The following MAST4 variants were observed in gnomAD, a reference collection of about 807,000 sequenced individuals.
MAST4 encodes microtubule associated serine/threonine kinase family member 4, also known as microtubule-associated serine/threonine-protein kinase 4.
In MAST4, 89 loss-of-function variants were observed where a neutral mutation model predicts 162.7. The observed-to-expected ratio is 0.55, with a 90% CI of 0.46 to 0.65. The LOEUF (loss-of-function observed/expected upper bound fraction) is 0.65, where lower values mean the gene tolerates loss of function less well. Among genes scored for constraint, MAST4 ranks in the 30% least tolerant of loss-of-function variants. The pLI, the probability that MAST4 is intolerant of heterozygous loss-of-function variation, is 0.00. For synonymous variants in MAST4, 1,479 were observed against 1,361.1 expected, an observed-to-expected ratio of 1.09 and a Z score of -1.91; for missense variants, 3,153 against 3,374.0, an observed-to-expected ratio of 0.93 and a Z score of 1.62.
intron 4 of MAST4, chr5:67,004,003 AGTCACTGTGGACTTCCCCGGAGCGTT>A (rs1302929052): frequency 2.0e-5 from 3 of 152,368 alleles, no homozygotes; most frequent in Admixed American, 6.5e-5. Flanking sequence ...CTGGCGGAGG[AGTCACTGTGGACTTCCCCGGAGCGTT>A]GTCACTGCCA....
At chr5:67,150,365 A>C (rs889593716) in intron 24 of MAST4, among the ~76,000 whole-genome samples, 7 of 152,234 alleles carry the variant, frequency 4.6e-5, no homozygotes, top group Admixed American at 3.3e-4. Context: ...AAAACAGATC[A>C]TGTATAAAAG....
At chr5:66,950,520 A>T (rs1364563439) in intron 4 of MAST4, among the ~76,000 whole-genome samples, 1 of 152,164 alleles carries the variant, frequency 6.6e-6, no homozygotes, top group Non-Finnish European at 1.5e-5. Context: ...ACCTACCCAG[A>T]GTAGCTAGCA....
At chr5:66,849,889 CT>C (rs1424667763) in intron 3 of MAST4, among the ~76,000 whole-genome samples, 1 of 152,140 alleles carries the variant, frequency 6.6e-6, no homozygotes, top group Non-Finnish European at 1.5e-5. Flanking sequence ...TTGATAAAAG[CT>C]GTGTGCACAA....
chr5:66,753,187 A>C lies in MAST4; in HGVS notation c.364-6522A>C, dbSNP rs989190130. ...GGAAACTTATAGCACTAAATGCCCA[A>C]AAGAGAAAGCAGGAAAGATCCAAAA... On this transcript the variant is annotated intron_variant, in intron 1 of 28. Coordinates refer to ENST00000403625, the MANE Select transcript of MAST4 (RefSeq NM_001164664.2). Among the ~76,000 whole-genome samples the C allele has an allele frequency of 4.4e-4, 67 of 152,270 alleles. No homozygotes were observed. In the South Asian group the frequency reaches 1.0e-2, roughly 23 times the overall value.
At position 67,166,683 on chromosome 5, in the gene MAST4, C is replaced by T; in HGVS notation, c.7504C>T (p.His2502Tyr). ...GCTTCCAGCCCCCAGCAACAGGGACCATAGGAAGGCTCAGCCTGCCGGGGA... is the reference window on the plus strand; with the variant it reads ...GCTTCCAGCCCCCAGCAACAGGGACTATAGGAAGGCTCAGCCTGCCGGGGA... ...LELPAPSNRD[H>Y]RKAQPAGEGR... Residue 2502 changes from histidine to tyrosine, a missense_variant, in exon 29 of 29, where the codon CAT (histidine) becomes TAT (tyrosine). Physicochemically the swap from His to Tyr is moderately conservative, Grantham distance 83 (BLOSUM62 2). Around this residue, in one of 7 missense-constraint regions of MAST4, gnomAD observed 1,644 missense variants for 1,495.0 expected, o/e 1.10. Transcript: ENST00000403625. 2.5e-6 allele frequency: 4 copies of T among 1,595,072 alleles called. No homozygotes were observed. Among genetic ancestry groups the T allele is most frequent in the African/African-American group, 1.3e-5 (1 of 74,606 alleles).
chr5:67,030,870 CA>C (rs1221102951), intron 4 of MAST4, among the ~76,000 whole-genome samples: 2 of 152,036 alleles, frequency 1.3e-5, no homozygotes, highest in African/African-American at 2.4e-5. Context: ...CTAAAGAGGC[CA>C]AGGTCATGGG....
intron 1 of MAST4, among the ~76,000 whole-genome samples, chr5:66,734,529 A>G (rs1752047287): frequency 6.6e-6 from 1 of 152,224 alleles, no homozygotes; most frequent in Non-Finnish European, 1.5e-5. Flanking sequence ...AAAATGATGT[A>G]TCTGTGAATC....
intron 4 of MAST4, among the ~76,000 whole-genome samples, chr5:66,911,933 C>T (rs1561438400): frequency 6.6e-6 from 1 of 152,126 alleles, no homozygotes. Flanking sequence ...GTGGGATTAA[C>T]CTTTTGGTAA....
chr5:67,011,866 AAG>A (rs1275969427), intron 4 of MAST4, among the ~76,000 whole-genome samples: 6 of 152,214 alleles, frequency 3.9e-5, no homozygotes, highest in Non-Finnish European at 8.8e-5. Flanking sequence ...GAAGCGAGGA[AAG>A]AGTGAGAGAG....
intron 5 of MAST4, among the ~76,000 whole-genome samples, chr5:67,071,260 TAAAATA>T (rs1326532461): frequency 6.6e-6 from 1 of 151,366 alleles, no homozygotes. Context: ...GAACAGGAAA[TAAAATA>T]AAATAAAATA....
chr5:66,949,232 AC>A (rs1744384425), intron 4 of MAST4, among the ~76,000 whole-genome samples: 2 of 152,210 alleles, frequency 1.3e-5, no homozygotes, highest in South Asian at 4.1e-4. Context: ...CAGCTCAATC[AC>A]TTATTAACTG....
At chr5:66,973,760 G>C (rs1056570514) in intron 4 of MAST4, among the ~76,000 whole-genome samples, 2 of 152,120 alleles carry the variant, frequency 1.3e-5, no homozygotes, top group Non-Finnish European at 2.9e-5. Context: ...TTCAGTTGAA[G>C]AATATTCCCT....
At chr5:66,801,907 A>T (rs976774436) in intron 3 of MAST4, among the ~76,000 whole-genome samples, 1 of 152,228 alleles carries the variant, frequency 6.6e-6, no homozygotes, top group African/African-American at 2.4e-5. Flanking sequence ...AAGCTGCAGA[A>T]TTTATAACTA....
intron 4 of MAST4, among the ~76,000 whole-genome samples, chr5:66,950,486 A>G (rs982958257): frequency 3.9e-5 from 6 of 152,092 alleles, no homozygotes; most frequent in East Asian, 3.9e-4. Flanking sequence ...TTTGACTACT[A>G]TAGACAAGCC....
At chr5:66,928,305 T>C (rs1026840914) in intron 4 of MAST4, among the ~76,000 whole-genome samples, 1 of 152,196 alleles carries the variant, frequency 6.6e-6, no homozygotes, top group Non-Finnish European at 1.5e-5. Flanking sequence ...ACTGAGTTCT[T>C]CAGAATGGGG....
At chr5:66,674,795 A>G (rs1249532379) in intron 1 of MAST4, among the ~76,000 whole-genome samples, 1 of 152,210 alleles carries the variant, frequency 6.6e-6, no homozygotes, top group Non-Finnish European at 1.5e-5. Flanking sequence ...TTCTAGATTG[A>G]TTAATCAATA....
intron 1 of MAST4, among the ~76,000 whole-genome samples, chr5:66,698,801 C>T (rs1281536727): frequency 6.6e-6 from 1 of 152,196 alleles, no homozygotes; most frequent in Non-Finnish European, 1.5e-5. Flanking sequence ...CTTCATTCCC[C>T]TAGTGTTCTT....
At position 67,163,551 on chromosome 5, in the gene MAST4, A is replaced by G. The variant is rs1216034313; in HGVS notation, c.4372A>G (p.Lys1458Glu). ...GCTGTCGCCCTCTTACGGCAGTGACAAGAAGCACCTGTGCTCCCGCAAGCA... is the reference window on the plus strand; with the variant it reads ...GCTGTCGCCCTCTTACGGCAGTGACGAGAAGCACCTGTGCTCCCGCAAGCA... ...EKLSPSYGSD[K>E]KHLCSRKHSL... The change falls in exon 29 of 29, where the codon AAG becomes GAG. Residue 1458 changes from lysine to glutamate, a missense_variant. Coordinates refer to ENST00000403625, the MANE Select transcript of MAST4 (RefSeq NM_001164664.2). This position sits in a 1 kb window ranked among gnomAD's most constrained non-coding sequence, Gnocchi z 7.0. The G allele has an allele frequency of 1.3e-6, 2 of 1,598,430 alleles. No individual in the cohort carries two copies. The highest frequency in any genetic ancestry group is 2.3e-5 in the East Asian group (1 of 43,888).
chr5:66,916,524 T>G lies in MAST4; in HGVS notation c.674+16542T>G, dbSNP rs538225483. Among the ~76,000 whole-genome samples the G allele has an allele frequency of 9.2e-4, 140 of 152,348 alleles. 3 individuals carry two copies. In the South Asian group the frequency reaches 0.028, roughly 30 times the overall value. On this transcript the variant is annotated intron_variant, in intron 4 of 28. Transcript: ENST00000403625. ...TTACTATTGTGCTCATAGTAACTAGTGAAACAGCACAAAGTTATACAAAGA... is the reference window on the plus strand; with the variant it reads ...TTACTATTGTGCTCATAGTAACTAGGGAAACAGCACAAAGTTATACAAAGA...
Sources: allele counts gnomAD v4.1 joint callset (sites outside exome capture counted in the v4.1 genomes callset), GRCh38; gene constraint gnomAD v4.1.1; regional missense constraint gnomAD v4.1.1; non-coding constraint Gnocchi (gnomAD v3.1); transcripts MANE v1.5; gene names NCBI Gene and HGNC (gene_info 2026-07-23, HGNC 2026-07-21).